The following TRPM1 variants were observed in gnomAD, a reference collection of about 807,000 sequenced individuals.
TRPM1 encodes the protein TRPM1-203 APA Isoform, Intron 10.
TRPM1 carries 113 observed loss-of-function variants against 149.4 expected under a neutral mutation model. The observed-to-expected ratio is 0.76, with a 90% CI of 0.65 to 0.88. TRPM1 has a LOEUF of 0.88. TRPM1 is among the 40% of genes least tolerant of loss of function. The probability of loss-of-function intolerance (pLI) is 0.00; values close to 1 mark genes in which losing one functional copy is unlikely to be tolerated. For missense variants in TRPM1, 1,976 were observed against 2,038.7 expected, an observed-to-expected ratio of 0.97 and a Z score of 0.59; for synonymous variants, 741 against 759.5, an observed-to-expected ratio of 0.98 and a Z score of 0.40.
At chr15:31,062,791 C>T in intron 8 of TRPM1, 89 bp from the exon 9 acceptor site, 1 of 1,460,144 alleles carries the variant, frequency 6.8e-7, no homozygotes, top group Non-Finnish European at 9.5e-7. Context: ...TGATTTGAGA[C>T]TTTGCTGTGG....
At chr15:31,077,295 G>A (rs7180591) in intron 2 of TRPM1, among the ~76,000 whole-genome samples, 36,359 of 152,224 alleles carry the variant, frequency 0.24, 4,923 homozygotes, top group Admixed American at 0.34. Flanking sequence ...CAGTGCAAGT[G>A]TTGTTTACCA....
intron 1 of TRPM1, among the ~76,000 whole-genome samples, chr15:31,111,156 A>G (rs2035682544): frequency 1.3e-5 from 2 of 152,156 alleles, no homozygotes; most frequent in African/African-American, 2.4e-5. Context: ...GGATCCTGCC[A>G]TGAGTAAAGG....
intron 17 of TRPM1, among the ~76,000 whole-genome samples, chr15:31,041,357 A>G (rs1036641054): frequency 6.6e-5 from 10 of 152,076 alleles, no homozygotes; most frequent in East Asian, 1.9e-4. Context: ...TCACCATGTT[A>G]GCCAGGATGG....
intron 1 of TRPM1, among the ~76,000 whole-genome samples, chr15:31,097,921 A>G (rs142785172): frequency 6.6e-6 from 1 of 152,326 alleles, no homozygotes; most frequent in Non-Finnish European, 1.5e-5. Flanking sequence ...TCAAAGACTT[A>G]GAACAATAAA....
At chr15:31,062,841 C>A in intron 8 of TRPM1, 139 bp from the exon 9 acceptor site, 1 of 1,074,406 alleles carries the variant, frequency 9.3e-7, no homozygotes. Context: ...TAACCATAGT[C>A]AAACATCGTA....
chr15:31,096,026 A>G (rs2035371478), intron 1 of TRPM1, among the ~76,000 whole-genome samples: 1 of 151,810 alleles, frequency 6.6e-6, no homozygotes, highest in Admixed American at 6.6e-5. Context: ...AGCCTAGGTG[A>G]CAAGAGCAAA....
intron 4 of TRPM1, chr15:31,069,769 T>C (rs565946439): frequency 1.4e-6 from 2 of 1,449,778 alleles, no homozygotes; most frequent in South Asian, 2.9e-5. Context: ...TTTGCAGGGT[T>C]GGGCCAGAGC....
At chr15:31,142,536 T>C (rs1345289614) in intron 1 of TRPM1, among the ~76,000 whole-genome samples, 1 of 152,212 alleles carries the variant, frequency 6.6e-6, no homozygotes, top group Non-Finnish European at 1.5e-5. Context: ...CTCATCTCTA[T>C]TAAAGAGTTG....
chr15:31,108,605 G>A (rs374759948), intron 1 of TRPM1, among the ~76,000 whole-genome samples: 2 of 152,100 alleles, frequency 1.3e-5, no homozygotes, highest in East Asian at 1.9e-4. Context: ...GTGATTCTCC[G>A]GCCTCAGCCT....
chr15:31,143,210 C>T (rs1337981776), intron 1 of TRPM1, among the ~76,000 whole-genome samples: 1 of 152,152 alleles, frequency 6.6e-6, no homozygotes, highest in African/African-American at 2.4e-5. Flanking sequence ...TACTATTGGA[C>T]TGAGTAAGAA....
intron 27 of TRPM1, among the ~76,000 whole-genome samples, chr15:31,024,032 C>T (rs1484467055): frequency 6.6e-6 from 1 of 152,068 alleles, no homozygotes; most frequent in African/African-American, 2.4e-5. Context: ...CCTGTGTGAA[C>T]ACGCCTGTAA....
In TRPM1 at chr15:31,047,265, C is replaced by G; in HGVS notation, c.1624-14G>C. On this transcript the variant is annotated splice_polypyrimidine_tract_variant and intron_variant, in intron 14 of 27. Coordinates refer to ENST00000256552, the MANE Select transcript of TRPM1 (RefSeq NM_001252024.2). ...CGGAAGGTTGCTCTGTAAAAGAAGT[C>G]TGGTCTCAGGCCCTGTGAGAATGCG... 3.7e-6 allele frequency: 6 copies of G among 1,614,206 alleles called. No individual in the cohort carries two copies. Among genetic ancestry groups the G allele is most frequent in the Non-Finnish European group, 5.1e-6 (6 of 1,180,040 alleles).
chr15:31,125,709 G>A (rs1346746876), intron 1 of TRPM1, among the ~76,000 whole-genome samples: 4 of 102,824 alleles, frequency 3.9e-5, no homozygotes, highest in Non-Finnish European at 7.1e-5. Context: ...CAGCCTGGGC[G>A]ACAGAGCGAG....
At chr15:31,089,794 A>C (rs1286251815) in intron 1 of TRPM1, among the ~76,000 whole-genome samples, 1 of 152,146 alleles carries the variant, frequency 6.6e-6, no homozygotes, top group Admixed American at 6.5e-5. Context: ...CCCAAAGTGC[A>C]TAAGCTTTTG....
intron 21 of TRPM1, 113 bp from the exon 22 acceptor site, chr15:31,033,053 T>TA (rs1390321699): frequency 3.4e-6 from 5 of 1,463,902 alleles, no homozygotes; most frequent in Non-Finnish European, 4.7e-6. Context: ...GCCCCTTTCC[T>TA]ACTCAAAACG....
intron 1 of TRPM1, among the ~76,000 whole-genome samples, chr15:31,136,746 A>G: frequency 1.2e-5 from 1 of 82,928 alleles, no homozygotes; most frequent in African/African-American, 4.9e-5. Flanking sequence ...AGCCGCCCCC[A>G]CCCTTTTTTT....
intron 24 of TRPM1, 116 bp downstream of exon 24, chr15:31,029,255 C>T: frequency 8.8e-7 from 1 of 1,132,808 alleles, no homozygotes; most frequent in Non-Finnish European, 1.3e-6. Flanking sequence ...AGTACTGGCA[C>T]CAAAAAACAA....
chr15:31,088,833 C>A (rs767986831), intron 1 of TRPM1, among the ~76,000 whole-genome samples: 1 of 150,618 alleles, frequency 6.6e-6, no homozygotes, highest in African/African-American at 2.4e-5. Context: ...GCCTTTGTAC[C>A]GGGGCGATGC....
chr15:31,122,202 A>G (rs1428549445), intron 1 of TRPM1, among the ~76,000 whole-genome samples: 1 of 152,200 alleles, frequency 6.6e-6, no homozygotes, highest in African/African-American at 2.4e-5. Flanking sequence ...AAGAACAACT[A>G]CAACAAAACC....
Sources: gnomAD v4.1 joint callset for allele counts (sites outside exome capture counted in the v4.1 genomes callset) on GRCh38, gnomAD v4.1.1 for gene constraint, MANE v1.5 for transcripts, NCBI Gene and HGNC (gene_info 2026-07-23, HGNC 2026-07-21) for gene names.